The following DNAH12 variants were observed in gnomAD, a reference collection of about 807,000 sequenced individuals.
DNAH12 encodes axonemal beta dynein heavy chain 12.
DNAH12 carries 285 observed loss-of-function variants against 371.5 expected under a neutral mutation model. The ratio of observed to expected loss-of-function variants is 0.77; its 90% CI spans 0.70 to 0.85. The LOEUF (loss-of-function observed/expected upper bound fraction) is 0.85. DNAH12 is among the 40% of genes least tolerant of loss of function. DNAH12 has a pLI of 0.00. For synonymous variants in DNAH12, 1,200 were observed against 1,213.0 expected (o/e 0.99, Z 0.22); for missense variants, 3,611 against 3,689.4 (o/e 0.98, Z 0.55).
intron 60 of DNAH12, among the ~76,000 whole-genome samples, chr3:57,351,723 C>T (rs1559579701): frequency 6.6e-6 from 1 of 151,990 alleles, no homozygotes; most frequent in East Asian, 1.9e-4. Flanking sequence ...AGCTAATCTG[C>T]AGTGTTATAA....
chr3:57,450,274 T>G (rs2065720060), intron 25 of DNAH12, among the ~76,000 whole-genome samples: 4 of 91,214 alleles, frequency 4.4e-5, no homozygotes, highest in South Asian at 3.9e-4. Context: ...GGTGGCCCAG[T>G]GAGGTGGCTC....
chr3:57,456,452 G>A (rs1377906003), intron 22 of DNAH12, among the ~76,000 whole-genome samples: 1 of 152,126 alleles, frequency 6.6e-6, no homozygotes, highest in Non-Finnish European at 1.5e-5. Context: ...AGAAATATAC[G>A]TGTTTATCAT....
rs373853344 is a variant in DNAH12, at chr3:57,415,448, C to T, written c.5831G>A (p.Arg1944Gln). 200 of 1,549,942 alleles carry T rather than the reference C, an allele frequency of 1.3e-4. 13 individuals carry two copies. Among genetic ancestry groups the T allele is most frequent in the Admixed American group, 6.7e-4 (34 of 50,570 alleles). Residue 1944 changes from arginine to glutamine, a missense_variant, in exon 38 of 74, where the codon CGG (arginine) becomes CAG (glutamine). Around this residue, in one of 3 missense-constraint regions of DNAH12, gnomAD observed 2,266 missense variants for 2,236.9 expected, o/e 1.01. Coordinates refer to ENST00000495027, the MANE Select transcript of DNAH12 (RefSeq NM_001366028.2). ...YFPFYINLSA[R>Q]TSANQVQNII... is the part of the protein sequence containing the mutation. ...AACCTGAACCTGATTGGCGCTGGTC[C>T]GTGCAGATAAGTTAATATAAAAAGG...
At chr3:57,356,653 T>G (rs2062808395) in intron 59 of DNAH12, among the ~76,000 whole-genome samples, 1 of 152,060 alleles carries the variant, frequency 6.6e-6, no homozygotes, top group African/African-American at 2.4e-5. Flanking sequence ...GCCTAAATCT[T>G]GAGTAGGAGT....
rs1216008570 is a variant in DNAH12, at chr3:57,293,814, G to A, written c.11850C>T (p.Arg3950=). Residue 3950 remains arginine, a synonymous_variant, in exon 74 of 74, where the codon CGC becomes CGT. Coordinates refer to ENST00000495027, the MANE Select transcript of DNAH12 (RefSeq NM_001366028.2). ...TDQPTRHWIK[R]GVALLCQLDD is the part of the protein sequence containing the mutation. ...CCAACTGACAAAGCAAAGCAACCCC[G>A]CGCTTGATCCAGTGCCGAGTAGGTT... 5 of 1,548,402 alleles carry A rather than the reference G, an allele frequency of 3.2e-6. No homozygotes were observed. The highest frequency in any genetic ancestry group is 2.5e-5 in the East Asian group (1 of 40,786).
intron 55 of DNAH12, among the ~76,000 whole-genome samples, chr3:57,368,960 G>A (rs1173636832): frequency 1.1e-4 from 16 of 151,828 alleles, no homozygotes; most frequent in African/African-American, 3.6e-4. Flanking sequence ...TAATGCCAGC[G>A]CTTTGGGAGG....
chr3:57,379,293 A>C lies in DNAH12; in HGVS notation c.8088T>G (p.Thr2696=), dbSNP rs2063339704. ...ATTCACTACGAATCTTCTGCATAAC[A>C]GTCACCTATACAACAAAGATTTAAA... ...KEYDKDNIPV[T]VMQKIRSEYL... Residue 2696 remains threonine (T), a synonymous_variant, in exon 52 of 74, where the codon ACT becomes ACG. Coordinates refer to ENST00000495027, the MANE Select transcript of DNAH12 (RefSeq NM_001366028.2). 1 of 152,182 alleles carries C rather than the reference A, an allele frequency of 6.6e-6. No homozygotes were observed. Among genetic ancestry groups the C allele is most frequent in the Non-Finnish European group, 1.5e-5 (1 of 68,042 alleles). The allele number at this position is 152,182 out of a possible 1,614,324, so 9.4% of individuals were successfully genotyped here.
rs997729083 is a variant in DNAH12, at chr3:57,367,206, C to T, written c.8975-285G>A. On this transcript the variant is annotated intron_variant, in intron 56 of 73. Transcript: ENST00000495027. ...ATTAGCTGGGTGTCATGGTGGAACACACCTGTAATCCCAGCTACTTTGGAG... is the reference window on the plus strand; with the variant it reads ...ATTAGCTGGGTGTCATGGTGGAACATACCTGTAATCCCAGCTACTTTGGAG... Among the ~76,000 whole-genome samples, 35 of 152,280 alleles carry T rather than the reference C, an allele frequency of 2.3e-4. 1 individual carries two copies. In the South Asian group the frequency reaches 7.3e-3, roughly 32 times the overall value.
In DNAH12 at chr3:57,419,521, A is replaced by G; in HGVS notation, c.5563-3T>C. The G allele has an allele frequency of 2.1e-6, 3 of 1,423,438 alleles. No individual in the cohort carries two copies. The highest frequency in any genetic ancestry group is 1.8e-6 in the Non-Finnish European group (2 of 1,088,484). The allele number at this position is 1,423,438 out of a possible 1,614,324, so 88.2% of individuals were successfully genotyped here. A position where few individuals can be genotyped will look rare whatever the true frequency, so the allele number is the denominator to read the frequency against. ...ACCCAGCGACCTTTGTTTTTCAACT[A>G]CAAGAAAATATAAGTTTTAAAATAT... On this transcript the variant is annotated splice_polypyrimidine_tract_variant and splice_region_variant and intron_variant, in intron 36 of 73. Coordinates refer to ENST00000495027, the MANE Select transcript of DNAH12 (RefSeq NM_001366028.2).
At chr3:57,390,424 A>AAAAAAAAATATATATATATATATATAT in intron 45 of DNAH12, among the ~76,000 whole-genome samples, 3 of 33,434 alleles carry the variant, frequency 9.0e-5, no homozygotes, top group Non-Finnish European at 2.1e-4. Context: ...AAAAAAAAAA[A>AAAAAAAAATATATATATATATATATAT]ATATATATAT....
At chr3:57,382,663 A>G (rs944587551) in intron 49 of DNAH12, among the ~76,000 whole-genome samples, 3 of 152,106 alleles carry the variant, frequency 2.0e-5, no homozygotes, top group Non-Finnish European at 4.4e-5. Context: ...TCCACCAGAA[A>G]ATATAATTTT....
chr3:57,441,484 G>C (rs529574649), intron 29 of DNAH12, among the ~76,000 whole-genome samples: 8 of 152,236 alleles, frequency 5.3e-5, no homozygotes, highest in African/African-American at 1.9e-4. Context: ...AAAAAATTAA[G>C]GCATAAAAAC....
At chr3:57,552,992 C>G in the DNAH12 span, among the ~76,000 whole-genome samples, 2 of 152,128 alleles carry the variant, frequency 1.3e-5, no homozygotes, top group South Asian at 4.1e-4. Flanking sequence ...GCCTGACCAA[C>G]ATGGAGAAAC....
chr3:57,436,832 G>A lies in DNAH12; in HGVS notation c.4655+119C>T, dbSNP rs949217084. On this transcript the variant is annotated intron_variant, in intron 30 of 73. Coordinates refer to ENST00000495027, the MANE Select transcript of DNAH12 (RefSeq NM_001366028.2). Reference sequence around the variant, plus strand: ...TTAAGCCACTGGGGGGCCAGGGGGCGGGCGGGGGTTGCTCTCAACTCACCT... The same window carrying A: ...TTAAGCCACTGGGGGGCCAGGGGGCAGGCGGGGGTTGCTCTCAACTCACCT... 9.6e-6 allele frequency: 6 copies of A among 626,974 alleles called. 1 individual carries two copies. Among genetic ancestry groups the A allele is most frequent in the East Asian group, 3.3e-5 (1 of 30,166 alleles). 38.8% of individuals were successfully genotyped at this position (626,974 alleles called of 1,614,324 possible).
At chr3:57,434,837 C>T (rs13071205) in intron 30 of DNAH12, among the ~76,000 whole-genome samples, 82,497 of 135,276 alleles carry the variant, frequency 0.61, 22,471 homozygotes, top group South Asian at 0.68. Flanking sequence ...ACTGGTTTCA[C>T]TTAAAAAAGA....
chr3:57,522,179 A>C (rs915851008), intron 4 of DNAH12, among the ~76,000 whole-genome samples: 1 of 152,066 alleles, frequency 6.6e-6, no homozygotes, highest in Non-Finnish European at 1.5e-5. Flanking sequence ...AGCCAGGATC[A>C]CGCCACTGCA....
chr3:57,462,558 T>C, intron 18 of DNAH12, 132 bp downstream of exon 18: 1 of 1,038,790 alleles, frequency 9.6e-7, no homozygotes, highest in Non-Finnish European at 1.3e-6. Flanking sequence ...AGCCGGAGAG[T>C]GGTCTTCTAT....
intron 4 of DNAH12, among the ~76,000 whole-genome samples, chr3:57,514,020 T>C (rs2068092457): frequency 6.6e-6 from 1 of 152,196 alleles, no homozygotes; most frequent in Non-Finnish European, 1.5e-5. Context: ...TACATTCGTG[T>C]TCTGTGCAGC....
intron 34 of DNAH12, among the ~76,000 whole-genome samples, chr3:57,426,257 G>A (rs530884277): frequency 6.6e-6 from 1 of 152,116 alleles, no homozygotes; most frequent in Non-Finnish European, 1.5e-5. Context: ...GATCCTAAAA[G>A]GTTTTTATAT....
Sources: gnomAD v4.1 joint callset for allele counts (sites outside exome capture counted in the v4.1 genomes callset) on GRCh38, gnomAD v4.1.1 for gene constraint, gnomAD v4.1.1 regional missense constraint, MANE v1.5 for transcripts, NCBI Gene and HGNC (gene_info 2026-07-23, HGNC 2026-07-21) for gene names.